Variants in ANO2 observed in about 807,000 individuals in gnomAD.
ANO2 encodes the protein anoctamin-2.
ANO2 carries 101 observed loss-of-function variants against 124.2 expected under a neutral mutation model. The observed-to-expected ratio is 0.81, with a 90% CI of 0.69 to 0.96. ANO2 has a LOEUF of 0.96. Ranked by LOEUF, ANO2 falls within the 40% of genes least tolerant of loss-of-function variation. The pLI, the probability that ANO2 is intolerant of heterozygous loss-of-function variation, is 0.00. For missense variants in ANO2, 1,293 were observed against 1,274.5 expected, an observed-to-expected ratio of 1.01 and a Z score of -0.22; for synonymous variants, 486 against 482.5, an observed-to-expected ratio of 1.01 and a Z score of -0.09.
chr12:5,860,780 G>A (rs868197880), intron 3 of ANO2, among the ~76,000 whole-genome samples: 2 of 152,140 alleles, frequency 1.3e-5, no homozygotes, highest in Admixed American at 6.6e-5. Context: ...GCAGACCGCC[G>A]TTCCCTTTCC....
intron 16 of ANO2, among the ~76,000 whole-genome samples, chr12:5,626,127 G>A (rs1945386534): frequency 6.6e-6 from 1 of 152,148 alleles, no homozygotes; most frequent in Non-Finnish European, 1.5e-5. Context: ...AGGTTGGGGA[G>A]TGCATTTTGG....
rs1232972624 is a variant in ANO2 at position 5,697,380 on chromosome 12, C to T, written c.1545+35140G>A. On this transcript the variant is annotated intron_variant, in intron 14 of 24. Coordinates refer to ENST00000682330, the MANE Select transcript of ANO2 (RefSeq NM_001364791.2). ...CCAGGAGGTGGAACTTGCAGTGAGC[C>T]GAGATCCCACCACTGCACTCCAGCC... Among the ~76,000 whole-genome samples the T allele has an allele frequency of 3.3e-5, 5 of 151,638 alleles. No homozygotes were observed. In the South Asian group the frequency reaches 6.3e-4, roughly 19 times the overall value.
At chr12:5,825,777 C>T (rs1270166019) in intron 7 of ANO2, among the ~76,000 whole-genome samples, 4 of 152,138 alleles carry the variant, frequency 2.6e-5, no homozygotes, top group African/African-American at 9.7e-5. Context: ...TATTATCATG[C>T]CCTGTGATTA....
chr12:5,714,861 C>T (rs550869804), intron 14 of ANO2, among the ~76,000 whole-genome samples: 4 of 152,042 alleles, frequency 2.6e-5, no homozygotes, highest in Admixed American at 6.6e-5. Context: ...AAACACATTC[C>T]AAATTCAAAG....
At chr12:5,661,491 C>G (rs982312103) in intron 14 of ANO2, among the ~76,000 whole-genome samples, 1 of 152,116 alleles carries the variant, frequency 6.6e-6, no homozygotes, top group Non-Finnish European at 1.5e-5. Flanking sequence ...CTAAGGGGTG[C>G]CTATAGCTTA....
chr12:5,636,917 C>T lies in ANO2; in HGVS notation c.1621-1570G>A, dbSNP rs1021569184. On this transcript the variant is annotated intron_variant, in intron 15 of 24. Coordinates refer to ENST00000682330, the MANE Select transcript of ANO2 (RefSeq NM_001364791.2). The surrounding 1 kb of genome is among the most constrained non-coding windows in gnomAD (Gnocchi z 4.6). ...AAATACCAGTAATTGCCCTATGGGC[C>T]GTGTTGTGAAAAAGAAGCCCTTGGT... Among the ~76,000 whole-genome samples the T allele has an allele frequency of 2.6e-5, 4 of 151,922 alleles. No homozygotes were observed. Among genetic ancestry groups the T allele is most frequent in the East Asian group, 1.9e-4 (1 of 5,180 alleles).
At chr12:5,698,274 C>T (rs1949270422) in intron 14 of ANO2, among the ~76,000 whole-genome samples, 1 of 152,208 alleles carries the variant, frequency 6.6e-6, no homozygotes, top group Non-Finnish European at 1.5e-5. Flanking sequence ...CAGGCAGCAA[C>T]ATTTGCTATT....
intron 1 of ANO2, among the ~76,000 whole-genome samples, chr12:5,924,690 A>G (rs534861128): frequency 6.6e-6 from 1 of 152,368 alleles, no homozygotes; most frequent in Admixed American, 6.5e-5. Flanking sequence ...CAGCTACTCT[A>G]TATTCACCTT....
chr12:5,572,623 T>C (rs1942190388), intron 23 of ANO2, among the ~76,000 whole-genome samples: 1 of 152,210 alleles, frequency 6.6e-6, no homozygotes, highest in African/African-American at 2.4e-5. Context: ...TCGCTCCCTA[T>C]TATACAACCA....
chr12:5,595,662 C>T (rs571337395), intron 20 of ANO2, among the ~76,000 whole-genome samples: 2 of 152,224 alleles, frequency 1.3e-5, no homozygotes, highest in African/African-American at 4.8e-5. Flanking sequence ...GCAATACTAC[C>T]ATAATTCAGT....
At chr12:5,697,247 C>A (rs1949219027) in intron 14 of ANO2, among the ~76,000 whole-genome samples, 2 of 152,064 alleles carry the variant, frequency 1.3e-5, no homozygotes, top group African/African-American at 2.4e-5. Flanking sequence ...TCCTGGCCAA[C>A]ATGGTGAAAC....
chr12:5,940,245 T>C (rs980261090), intron 1 of ANO2, among the ~76,000 whole-genome samples: 1 of 152,220 alleles, frequency 6.6e-6, no homozygotes, highest in South Asian at 2.1e-4. Context: ...ATGCCTCCAG[T>C]ACACCTATAA....
chr12:5,861,301 T>C (rs923742689), intron 3 of ANO2, among the ~76,000 whole-genome samples: 10 of 151,872 alleles, frequency 6.6e-5, no homozygotes, highest in African/African-American at 2.4e-4. Flanking sequence ...CACAAGAAAT[T>C]AGGGAGGCAG....
At chr12:5,906,019 G>A (rs1940654922) in intron 3 of ANO2, among the ~76,000 whole-genome samples, 1 of 152,178 alleles carries the variant, frequency 6.6e-6, no homozygotes, top group Non-Finnish European at 1.5e-5. Context: ...GATTGCTGTG[G>A]TGTTTTCTTC....
chr12:5,877,763 T>G (rs1938207169), intron 3 of ANO2, among the ~76,000 whole-genome samples: 1 of 152,214 alleles, frequency 6.6e-6, no homozygotes, highest in Non-Finnish European at 1.5e-5. Flanking sequence ...CTGTTCCGCC[T>G]CAGATCTTCA....
chr12:5,599,879 T>G (rs555393107), intron 19 of ANO2, among the ~76,000 whole-genome samples: 1 of 152,206 alleles, frequency 6.6e-6, no homozygotes, highest in African/African-American at 2.4e-5. Context: ...TACTTTTGAA[T>G]TCTTCCTGCT....
chr12:5,714,269 G>C (rs1949931725), intron 14 of ANO2, among the ~76,000 whole-genome samples: 2 of 152,188 alleles, frequency 1.3e-5, no homozygotes, highest in Admixed American at 6.5e-5. Flanking sequence ...GAGTCTAAAG[G>C]AAGGTCAAGG....
intron 10 of ANO2, among the ~76,000 whole-genome samples, chr12:5,783,169 G>T (rs1360577084): frequency 6.6e-6 from 1 of 152,202 alleles, no homozygotes; most frequent in Non-Finnish European, 1.5e-5. Context: ...ACAAATGCCT[G>T]CCAAATCAGA....
At chr12:5,749,579 C>A (rs1482624041) in intron 11 of ANO2, among the ~76,000 whole-genome samples, 9 of 152,192 alleles carry the variant, frequency 5.9e-5, no homozygotes, top group Admixed American at 6.5e-5. Flanking sequence ...TTCACTTAAT[C>A]TAGTTCAAGC....
Sources: gnomAD v4.1 joint callset for allele counts (sites outside exome capture counted in the v4.1 genomes callset) on GRCh38, gnomAD v4.1.1 for gene constraint, Gnocchi (gnomAD v3.1) non-coding constraint, MANE v1.5 for transcripts, NCBI Gene and HGNC (gene_info 2026-07-23, HGNC 2026-07-21) for gene names.